Variants in MCCC2 observed in about 807,000 individuals in gnomAD.
MCCC2 encodes the protein methylcrotonoyl-CoA carboxylase beta chain, mitochondrial.
Under a neutral mutation model 77.2 loss-of-function variants are expected in MCCC2, and 52 were observed. The observed-to-expected ratio is 0.67, with a 90% CI of 0.54 to 0.85. The LOEUF (loss-of-function observed/expected upper bound fraction) is 0.85, where lower values mean the gene tolerates loss of function less well. Ranked by LOEUF, MCCC2 falls within the 40% of genes least tolerant of loss-of-function variation. The pLI, the probability that MCCC2 is intolerant of heterozygous loss-of-function variation, is 0.00. For missense variants in MCCC2, 682 were observed against 703.2 expected (o/e 0.97, Z 0.34); for synonymous variants, 253 against 248.4 (o/e 1.02, Z -0.18).
At chr5:71,619,796 C>T (rs1746298290) in intron 6 of MCCC2, among the ~76,000 whole-genome samples, 1 of 152,028 alleles carries the variant, frequency 6.6e-6, no homozygotes, top group Non-Finnish European at 1.5e-5. Context: ...TCGAGACCAT[C>T]CTGGCTAACA....
intron 10 of MCCC2, among the ~76,000 whole-genome samples, chr5:71,639,075 C>T (rs75154962): frequency 0.017 from 2,571 of 152,288 alleles, 76 homozygotes; most frequent in African/African-American, 0.06. Context: ...CGTATGCTGT[C>T]ATCCAGGGTT....
Position 71,652,146 on chromosome 5 carries a change from G to A in MCCC2, c.1489-523G>A, listed in dbSNP as rs773161832. On this transcript the variant is annotated intron_variant, in intron 15 of 16. Transcript: ENST00000340941. ...CTGAATTAATTATCACTTGATCCTT[G>A]TAATACTGATGGGAAGGCTGTGAAA... Among the ~76,000 whole-genome samples, 27 of 152,134 alleles carry A rather than the reference G, an allele frequency of 1.8e-4. 1 individual carries two copies. The highest frequency in any genetic ancestry group is 3.5e-4 in the Non-Finnish European group (24 of 68,018).
chr5:71,608,716 C>T (rs1005271781), intron 6 of MCCC2, among the ~76,000 whole-genome samples: 20 of 152,056 alleles, frequency 1.3e-4, no homozygotes, highest in Non-Finnish European at 2.5e-4. Flanking sequence ...TGGCTGGTAC[C>T]GGTTGTTCCT....
chr5:71,641,187 T>G lies in MCCC2; in HGVS notation c.1072+112T>G, dbSNP rs1747113158. The G allele has an allele frequency of 3.2e-6, 3 of 928,852 alleles. No individual in the cohort carries two copies. The East Asian group carries it at 7.7e-5, about 24-fold the overall frequency. 57.5% of individuals were successfully genotyped at this position (928,852 alleles called of 1,614,324 possible). A position where few individuals can be genotyped will look rare whatever the true frequency, so the allele number is the denominator to read the frequency against. On this transcript the variant is annotated intron_variant, in intron 11 of 16. Transcript: ENST00000340941. ...ACATGGGCTTTGTTGTTGAGAGCACTACAAATGTGTGAGCCACTTTTAAAA... is the reference window on the plus strand; with the variant it reads ...ACATGGGCTTTGTTGTTGAGAGCACGACAAATGTGTGAGCCACTTTTAAAA...
chr5:71,587,441 A>G lies in MCCC2; in HGVS notation c.16A>G (p.Arg6Gly). The G allele has an allele frequency of 6.5e-7, 1 of 1,534,732 alleles. No homozygotes were observed. Among genetic ancestry groups the G allele is most frequent in the East Asian group, 2.4e-5 (1 of 40,914 alleles). The change falls in exon 1 of 17, where the codon AGG becomes GGG. Residue 6 changes from arginine (R) to glycine (G), a missense_variant. By Grantham distance (125) the Arg-to-Gly change is moderately radical. Coordinates refer to ENST00000340941, the MANE Select transcript of MCCC2 (RefSeq NM_022132.5). ...GCCCGCCGCCATGTGGGCCGTCCTGAGGTTAGCCCTGCGGCCGTGTGCCCG... is the reference window on the plus strand; with the variant it reads ...GCCCGCCGCCATGTGGGCCGTCCTGGGGTTAGCCCTGCGGCCGTGTGCCCG... MWAVL[R>G]LALRPCARAS...
intron 14 of MCCC2, among the ~76,000 whole-genome samples, 154 bp downstream of exon 14, chr5:71,649,407 A>G (rs1747371630): frequency 6.6e-6 from 1 of 152,244 alleles, no homozygotes; most frequent in African/African-American, 2.4e-5. Flanking sequence ...GTGAAATGAA[A>G]TTTAATGCCA....
chr5:71,598,071 C>CTTTTT (rs541775693), intron 3 of MCCC2, among the ~76,000 whole-genome samples: 5 of 129,480 alleles, frequency 3.9e-5, no homozygotes, highest in Non-Finnish European at 3.3e-5. Flanking sequence ...GTGAGTGTTT[C>CTTTTT]TTTTTTTTTT....
At chr5:71,649,032 G>A (rs1477716714) in intron 13 of MCCC2, 65 bp from the exon 14 acceptor site, 4 of 1,570,300 alleles carry the variant, frequency 2.5e-6, no homozygotes, top group Non-Finnish European at 3.5e-6. Context: ...ATGTCCTTTT[G>A]GTGGAATTGC....
At chr5:71,636,903 C>G (rs1041521189) in intron 10 of MCCC2, among the ~76,000 whole-genome samples, 1 of 151,704 alleles carries the variant, frequency 6.6e-6, no homozygotes, top group African/African-American at 2.4e-5. Flanking sequence ...GCCACCATAC[C>G]TGGCTAATTT....
At chr5:71,651,269 C>T (rs1366550660) in intron 15 of MCCC2, among the ~76,000 whole-genome samples, 2 of 151,982 alleles carry the variant, frequency 1.3e-5, no homozygotes, top group Non-Finnish European at 2.9e-5. Context: ...GGGAGGGCTC[C>T]GTCATCTATT....
intron 16 of MCCC2, among the ~76,000 whole-genome samples, chr5:71,653,652 C>G (rs763748650): frequency 6.6e-6 from 1 of 152,040 alleles, no homozygotes; most frequent in Non-Finnish European, 1.5e-5. Context: ...GAGTTCGAAA[C>G]TAGCGGGGCA....
At chr5:71,595,825 G>T (rs544258697) in intron 2 of MCCC2, among the ~76,000 whole-genome samples, 1 of 152,114 alleles carries the variant, frequency 6.6e-6, no homozygotes, top group Non-Finnish European at 1.5e-5. Context: ...AAAAAGTTAC[G>T]GATCACTAAT....
chr5:71,616,148 C>G (rs1400892626), intron 6 of MCCC2, among the ~76,000 whole-genome samples: 2 of 152,222 alleles, frequency 1.3e-5, no homozygotes, highest in African/African-American at 2.4e-5. Context: ...CCCTCAGGAC[C>G]TTTGCAGACT....
chr5:71,602,780 T>G, intron 5 of MCCC2, 147 bp downstream of exon 5: 1 of 1,213,104 alleles, frequency 8.2e-7, no homozygotes, highest in Non-Finnish European at 1.2e-6. Context: ...GGTTCTTTGC[T>G]GAAAACTCTG....
At chr5:71,639,254 G>T (rs1253303372) in intron 10 of MCCC2, among the ~76,000 whole-genome samples, 1 of 152,122 alleles carries the variant, frequency 6.6e-6, no homozygotes, top group African/African-American at 2.4e-5. Context: ...CCACCAGAAG[G>T]CTGTTTCATC....
rs530297331 is a variant in MCCC2, at chr5:71,618,515, T to G, written c.625-8125T>G. 1.6e-3 allele frequency among the ~76,000 whole-genome samples: 209 copies of G among 131,756 alleles called. 1 individual carries two copies. The highest frequency in any genetic ancestry group is 5.3e-3 in the African/African-American group (196 of 36,816). 86.4% of individuals were successfully genotyped at this position (131,756 alleles called of 152,430 possible). A position where few individuals can be genotyped will look rare whatever the true frequency, so the allele number is the denominator to read the frequency against. On this transcript the variant is annotated intron_variant, in intron 6 of 16. Transcript: ENST00000340941. ...TTCCTTCCTTCCTTCCTTCCTTCCT[T>G]CCTTCCTTCCTTCCTTCCTTCCTTC...
intron 10 of MCCC2, among the ~76,000 whole-genome samples, chr5:71,638,015 G>C (rs1746990664): frequency 6.6e-6 from 1 of 152,022 alleles, no homozygotes; most frequent in African/African-American, 2.4e-5. Context: ...CCTGGCCCAG[G>C]GTAGAACTTT....
At chr5:71,631,787 G>A (rs977701888) in intron 7 of MCCC2, among the ~76,000 whole-genome samples, 36 of 151,896 alleles carry the variant, frequency 2.4e-4, no homozygotes, top group Non-Finnish European at 4.3e-4. Context: ...TGATCCACCC[G>A]CCTCGGCCTC....
intron 8 of MCCC2, among the ~76,000 whole-genome samples, chr5:71,634,720 G>A (rs1208072467): frequency 6.6e-6 from 1 of 152,162 alleles, no homozygotes; most frequent in African/African-American, 2.4e-5. Flanking sequence ...CTTAACTTAT[G>A]CGTACTTCAG....
Sources: allele counts gnomAD v4.1 joint callset (sites outside exome capture counted in the v4.1 genomes callset), GRCh38; gene constraint gnomAD v4.1.1; transcripts MANE v1.5; gene names NCBI Gene and HGNC (gene_info 2026-07-23, HGNC 2026-07-21).